The following LRRC4C variants were observed in gnomAD, a reference collection of about 807,000 sequenced individuals.
LRRC4C encodes the protein leucine rich repeat containing 4C, also known as leucine-rich repeat-containing protein 4C.
In LRRC4C, 5 loss-of-function variants were observed where a neutral mutation model predicts 33.6. The ratio of observed to expected loss-of-function variants is 0.15; its 90% CI spans 0.08 to 0.31. The LOEUF (loss-of-function observed/expected upper bound fraction) is 0.31. Ranked by LOEUF, LRRC4C falls within the 10% of genes least tolerant of loss-of-function variation. The pLI, the probability that LRRC4C is intolerant of heterozygous loss-of-function variation, is 1.00. For synonymous variants in LRRC4C, 329 were observed against 302.0 expected, an observed-to-expected ratio of 1.09 and a Z score of -0.93; for missense variants, 560 against 796.7, an observed-to-expected ratio of 0.70 and a Z score of 3.58.
chr11:41,213,219 A>AT (rs1430075471), intron 1 of LRRC4C, among the ~76,000 whole-genome samples: 23 of 152,240 alleles, frequency 1.5e-4, no homozygotes, highest in Non-Finnish European at 8.8e-5. Context: ...GTTATAAACT[A>AT]AACAGTATAA....
chr11:40,965,540 T>C lies in LRRC4C; in HGVS notation c.-495-31817A>G, dbSNP rs549900326. ...GTCTTTAATGCATCTTGAATTAATT[T>C]TTGTATAAGGTGTAAGGAAGGGATC... On this transcript the variant is annotated intron_variant, in intron 1 of 6. Coordinates refer to ENST00000528697, the MANE Select transcript of LRRC4C (RefSeq NM_001258419.2). Among the ~76,000 whole-genome samples the C allele has an allele frequency of 3.3e-5, 5 of 152,296 alleles. No homozygotes were observed. The South Asian group carries it at 8.3e-4, about 25-fold the overall frequency.
intron 3 of LRRC4C, among the ~76,000 whole-genome samples, chr11:40,448,819 G>C (rs1456654853): frequency 6.6e-6 from 1 of 152,136 alleles, no homozygotes; most frequent in African/African-American, 2.4e-5. Context: ...TTGAGGAATT[G>C]CCATACTGTC....
At chr11:41,344,975 GT>G (rs11343488) in intron 1 of LRRC4C, among the ~76,000 whole-genome samples, 41,121 of 151,294 alleles carry the variant, frequency 0.27, 5,829 homozygotes, top group East Asian at 0.45. Flanking sequence ...ATTATTAACT[GT>G]TTTTTTTTCC....
At chr11:41,214,505 G>A (rs2136334361) in intron 1 of LRRC4C, among the ~76,000 whole-genome samples, 1 of 149,472 alleles carries the variant, frequency 6.7e-6, no homozygotes, top group Non-Finnish European at 1.5e-5. Context: ...GCCAAGGCGG[G>A]TGGATCACGA....
chr11:40,597,056 TG>T (rs1221041316), intron 3 of LRRC4C, among the ~76,000 whole-genome samples: 2 of 152,222 alleles, frequency 1.3e-5, no homozygotes, highest in African/African-American at 4.8e-5. Flanking sequence ...ACATATAGAA[TG>T]AGATTTATAC....
intron 3 of LRRC4C, among the ~76,000 whole-genome samples, chr11:40,606,036 C>T (rs930293844): frequency 6.6e-6 from 1 of 152,128 alleles, no homozygotes; most frequent in Non-Finnish European, 1.5e-5. Flanking sequence ...GGACACATGG[C>T]ACAGCAGGTA....
chr11:41,093,521 GTATACTATTTGCTCT>G, intron 1 of LRRC4C, among the ~76,000 whole-genome samples: 1 of 152,044 alleles, frequency 6.6e-6, no homozygotes, highest in South Asian at 2.1e-4. Flanking sequence ...AGTGGAATAT[GTATACTATTTGCTCT>G]TTATTCTTTC....
intron 1 of LRRC4C, among the ~76,000 whole-genome samples, chr11:41,304,957 G>C (rs1414134224): frequency 8.2e-6 from 1 of 122,132 alleles, no homozygotes; most frequent in Non-Finnish European, 1.7e-5. Flanking sequence ...CGCCCCGTCC[G>C]GGAGGTGAGG....
chr11:41,312,739 G>A (rs919504179), intron 1 of LRRC4C, among the ~76,000 whole-genome samples: 1 of 152,152 alleles, frequency 6.6e-6, no homozygotes, highest in African/African-American at 2.4e-5. Flanking sequence ...TGGTCACCAT[G>A]GGCCTCAGCT....
At chr11:40,781,176 G>T (rs1268038702) in intron 2 of LRRC4C, among the ~76,000 whole-genome samples, 3 of 152,022 alleles carry the variant, frequency 2.0e-5, no homozygotes, top group Non-Finnish European at 4.4e-5. Context: ...GTAAATATTT[G>T]TGTATCTAAA....
At chr11:41,149,505 G>A (rs1267725192) in intron 1 of LRRC4C, among the ~76,000 whole-genome samples, 1 of 116,140 alleles carries the variant, frequency 8.6e-6, no homozygotes, top group East Asian at 2.4e-4. Context: ...GCGAGACTCC[G>A]TCTCCAAAAA....
chr11:40,994,940 A>C (rs1271522521), intron 1 of LRRC4C, among the ~76,000 whole-genome samples: 1 of 152,144 alleles, frequency 6.6e-6, no homozygotes, highest in Non-Finnish European at 1.5e-5. Flanking sequence ...AACTTGGCTC[A>C]ACCATAAAAT....
At chr11:40,813,211 T>C (rs1047425547) in intron 2 of LRRC4C, among the ~76,000 whole-genome samples, 3 of 152,160 alleles carry the variant, frequency 2.0e-5, no homozygotes, top group Non-Finnish European at 4.4e-5. Context: ...TATTAGTCTG[T>C]TCTCATGCTG....
rs1218696158 is a variant in LRRC4C, at chr11:40,906,460, G to A, written c.-407+27175C>T. On this transcript the variant is annotated intron_variant, in intron 2 of 6. Transcript: ENST00000528697. ...TGGGAGGCGGAGGTTGCAGTGAGCC[G>A]AGATCTCACCACTGCACTCCAGCCT... 2.0e-5 allele frequency among the ~76,000 whole-genome samples: 3 copies of A among 151,348 alleles called. No individual in the cohort carries two copies. The East Asian group carries it at 5.9e-4, about 30-fold the overall frequency.
intron 2 of LRRC4C, among the ~76,000 whole-genome samples, chr11:40,891,123 C>T (rs879796376): frequency 6.6e-6 from 1 of 151,932 alleles, no homozygotes; most frequent in Non-Finnish European, 1.5e-5. Context: ...CCTAGCTACT[C>T]GGGAGGCTGA....
At chr11:40,824,167 A>T (rs1186896699) in intron 2 of LRRC4C, among the ~76,000 whole-genome samples, 1 of 151,826 alleles carries the variant, frequency 6.6e-6, no homozygotes, top group Non-Finnish European at 1.5e-5. Context: ...TGCAAAAGGG[A>T]TGAGGGAAAT....
intron 1 of LRRC4C, among the ~76,000 whole-genome samples, chr11:41,087,287 T>G (rs1264561112): frequency 2.0e-5 from 3 of 152,070 alleles, no homozygotes; most frequent in Admixed American, 2.0e-4. Context: ...TAGCTCAATC[T>G]CCAAAACATA....
At chr11:40,294,481 G>A (rs950091876) in intron 4 of LRRC4C, among the ~76,000 whole-genome samples, 2 of 152,088 alleles carry the variant, frequency 1.3e-5, no homozygotes, top group Non-Finnish European at 2.9e-5. Context: ...TCAGGTTGCA[G>A]GTTAAGAGCC....
chr11:40,820,240 T>C (rs554091645), intron 2 of LRRC4C, among the ~76,000 whole-genome samples: 4 of 152,124 alleles, frequency 2.6e-5, no homozygotes, highest in Admixed American at 2.0e-4. Flanking sequence ...ATTATAAATA[T>C]TGTCTAAGAA....
Sources: allele counts gnomAD v4.1 joint callset (sites outside exome capture counted in the v4.1 genomes callset), GRCh38; gene constraint gnomAD v4.1.1; transcripts MANE v1.5; gene names NCBI Gene and HGNC (gene_info 2026-07-23, HGNC 2026-07-21).